DTD1: variants seen among roughly 807,000 people sequenced by gnomAD.
DTD1 encodes the protein D-tyrosyl-tRNA deacylase 1 homolog.
Under a neutral mutation model 25.6 loss-of-function variants are expected in DTD1, and 13 were observed. That is an observed-to-expected ratio of 0.51 (90% CI 0.33 to 0.81). The LOEUF (loss-of-function observed/expected upper bound fraction) is 0.81. DTD1 is among the 30% of genes least tolerant of loss of function. The pLI is 0.02. For missense variants in DTD1, 193 were observed against 266.4 expected (o/e 0.72, Z 1.92); for synonymous variants, 110 against 103.6 (o/e 1.06, Z -0.37).
intron 4 of DTD1, among the ~76,000 whole-genome samples, chr20:18,685,091 C>T (rs372406912): frequency 1.3e-5 from 2 of 152,096 alleles, no homozygotes; most frequent in Non-Finnish European, 2.9e-5. Flanking sequence ...TTTGAAGAAA[C>T]GGGGTCTCAC....
At chr20:18,609,339 A>G (rs1443348057) in intron 3 of DTD1, among the ~76,000 whole-genome samples, 2 of 151,584 alleles carry the variant, frequency 1.3e-5, no homozygotes, top group African/African-American at 4.9e-5. Flanking sequence ...TTTAGTAGAA[A>G]TGGTGTTTCA....
At chr20:18,614,415 G>A (rs1169682691) in intron 3 of DTD1, among the ~76,000 whole-genome samples, 3 of 152,208 alleles carry the variant, frequency 2.0e-5, no homozygotes, top group Non-Finnish European at 4.4e-5. Context: ...GGGGCAGGAG[G>A]ATTAGCTGTC....
chr20:18,669,118 G>T (rs919734141), intron 4 of DTD1, among the ~76,000 whole-genome samples: 5 of 151,986 alleles, frequency 3.3e-5, no homozygotes, highest in Admixed American at 3.3e-4. Flanking sequence ...TATCTGGACT[G>T]TAATAGGAAA....
chr20:18,640,928 G>C (rs1384449373), intron 4 of DTD1, among the ~76,000 whole-genome samples: 7 of 152,164 alleles, frequency 4.6e-5, no homozygotes, highest in Non-Finnish European at 1.0e-4. Flanking sequence ...ACTGCTCCCA[G>C]CCTATCTACA....
At chr20:18,693,288 G>T (rs2061055357) in intron 4 of DTD1, among the ~76,000 whole-genome samples, 1 of 152,168 alleles carries the variant, frequency 6.6e-6, no homozygotes, top group Non-Finnish European at 1.5e-5. Flanking sequence ...TTGTTTATAT[G>T]ACTTTTATGT....
intron 4 of DTD1, among the ~76,000 whole-genome samples, chr20:18,725,633 G>C (rs1201902412): frequency 2.0e-5 from 3 of 152,120 alleles, no homozygotes; most frequent in Non-Finnish European, 4.4e-5. Context: ...GTAAGATGCT[G>C]TAATAGCCTC....
chr20:18,693,594 T>C (rs968770149), intron 4 of DTD1, among the ~76,000 whole-genome samples: 1 of 151,072 alleles, frequency 6.6e-6, no homozygotes, highest in Admixed American at 6.6e-5. Flanking sequence ...GAGGCGGAGG[T>C]TGCAGCTAGC....
At chr20:18,653,654 A>C (rs1331883446) in intron 4 of DTD1, among the ~76,000 whole-genome samples, 1 of 152,234 alleles carries the variant, frequency 6.6e-6, no homozygotes, top group Non-Finnish European at 1.5e-5. Context: ...CTAATCAGAC[A>C]TCTGTCTTTG....
In DTD1 at chr20:18,739,036, G is replaced by T. The variant is rs112807154; in HGVS notation, c.478-5064G>T. Reference sequence around the variant, plus strand: ...GGTGGAGCTTGTCCTCTGCAGTGTGGCCTCAGGCCTTAGGTGGAGCTTGTC... The same window carrying T: ...GGTGGAGCTTGTCCTCTGCAGTGTGTCCTCAGGCCTTAGGTGGAGCTTGTC... On this transcript the variant is annotated intron_variant, in intron 4 of 5. Transcript: ENST00000377452. 4.6e-5 allele frequency among the ~76,000 whole-genome samples: 7 copies of T among 151,864 alleles called. No individual in the cohort carries two copies. In the East Asian group the frequency reaches 5.8e-4, roughly 13 times the overall value.
At chr20:18,659,177 T>C (rs2068505) in intron 4 of DTD1, among the ~76,000 whole-genome samples, 73,012 of 152,068 alleles carry the variant, frequency 0.48, 18,040 homozygotes, top group Middle Eastern at 0.55. Context: ...AAGAAAGTTT[T>C]AGAAAAGTGA....
intron 4 of DTD1, among the ~76,000 whole-genome samples, chr20:18,668,864 C>T (rs1259302741): frequency 1.3e-5 from 2 of 152,178 alleles, no homozygotes; most frequent in Non-Finnish European, 2.9e-5. Context: ...GTTTTCTTTT[C>T]AGCTTTAATG....
At chr20:18,742,611 A>T (rs59176110) in intron 4 of DTD1, among the ~76,000 whole-genome samples, 5,701 of 152,252 alleles carry the variant, frequency 0.037, 212 homozygotes, top group African/African-American at 0.094. Context: ...TCTGAGATGG[A>T]ACAGTTTCAT....
chr20:18,613,331 TC>T (rs1452294299), intron 3 of DTD1, among the ~76,000 whole-genome samples: 1 of 152,220 alleles, frequency 6.6e-6, no homozygotes, highest in African/African-American at 2.4e-5. Flanking sequence ...TGTGGCTGTT[TC>T]TGCCACAGCG....
chr20:18,676,637 G>A (rs534301417), intron 4 of DTD1, among the ~76,000 whole-genome samples: 2 of 152,284 alleles, frequency 1.3e-5, no homozygotes, highest in Admixed American at 6.5e-5. Context: ...CTGCTGAGCA[G>A]CAAAACAGAC....
chr20:18,591,614 A>G (rs1242203476), intron 1 of DTD1, among the ~76,000 whole-genome samples: 4 of 152,288 alleles, frequency 2.6e-5, no homozygotes, highest in Non-Finnish European at 1.5e-5. Flanking sequence ...TAAAGTACTT[A>G]CCTTTGTTCT....
chr20:18,639,664 A>T (rs2060820992), intron 4 of DTD1, among the ~76,000 whole-genome samples: 1 of 152,218 alleles, frequency 6.6e-6, no homozygotes, highest in Non-Finnish European at 1.5e-5. Context: ...AACACAAAAG[A>T]ATGGCATGTC....
At chr20:18,623,276 A>G (rs922538784) in intron 3 of DTD1, among the ~76,000 whole-genome samples, 5 of 152,026 alleles carry the variant, frequency 3.3e-5, no homozygotes, top group African/African-American at 9.7e-5. Context: ...AAAGATCTCT[A>G]TATCTAGAGT....
At chr20:18,669,101 G>C (rs2060942482) in intron 4 of DTD1, among the ~76,000 whole-genome samples, 1 of 152,168 alleles carries the variant, frequency 6.6e-6, no homozygotes, top group Admixed American at 6.5e-5. Flanking sequence ...TTGTGGACTT[G>C]TAATTATATC....
At chr20:18,683,158 G>C (rs2061003843) in intron 4 of DTD1, among the ~76,000 whole-genome samples, 1 of 152,178 alleles carries the variant, frequency 6.6e-6, no homozygotes, top group South Asian at 2.1e-4. Flanking sequence ...GGTCAGTTGT[G>C]AGTTGGTCAT....
Sources: allele counts gnomAD v4.1 joint callset (sites outside exome capture counted in the v4.1 genomes callset), GRCh38; gene constraint gnomAD v4.1.1; transcripts MANE v1.5; gene names NCBI Gene and HGNC (gene_info 2026-07-23, HGNC 2026-07-21).